The following MMP26 variants were observed in gnomAD, a reference collection of about 807,000 sequenced individuals.
The protein encoded by MMP26 is matrix metallopeptidase 26.
A neutral mutation model predicts 31.0 loss-of-function variants in MMP26; 33 were observed. The ratio of observed to expected loss-of-function variants is 1.06; its 90% CI spans 0.81 to 1.42. The LOEUF (loss-of-function observed/expected upper bound fraction) is 1.42, where lower values mean the gene tolerates loss of function less well. MMP26 is among the 40% of genes most tolerant of loss of function. The pLI, the probability that MMP26 is intolerant of heterozygous loss-of-function variation, is 0.00. For synonymous variants in MMP26, 122 were observed against 114.9 expected, an observed-to-expected ratio of 1.06 and a Z score of -0.40; for missense variants, 347 against 316.1, an observed-to-expected ratio of 1.10 and a Z score of -0.74.
chr11:4,890,033 T>C (rs1455176298), intron 2 of MMP26: 1 of 156,716 alleles, frequency 6.4e-6, no homozygotes, highest in South Asian at 2.0e-4. Context: ...TTTCCTACAA[T>C]ATGTCAACCT....
At chr11:4,924,077 C>T (rs868437497) in intron 2 of MMP26, 2 of 1,613,992 alleles carry the variant, frequency 1.2e-6, no homozygotes, top group African/African-American at 2.7e-5. Flanking sequence ...GGTATCAAAC[C>T]AGAAAATGCC....
intron 2 of MMP26, among the ~76,000 whole-genome samples, chr11:4,807,762 T>G (rs1024340253): frequency 4.6e-5 from 7 of 152,196 alleles, no homozygotes; most frequent in Non-Finnish European, 1.0e-4. Context: ...GAACTTAAAG[T>G]ATAATTTTTA....
chr11:4,869,718 G>C (rs919577768), intron 2 of MMP26, among the ~76,000 whole-genome samples: 1 of 152,124 alleles, frequency 6.6e-6, no homozygotes, highest in Non-Finnish European at 1.5e-5. Flanking sequence ...CCATTACTGG[G>C]TATATACCCA....
At chr11:4,890,540 T>C (rs985908227) in intron 2 of MMP26, 2 of 152,704 alleles carry the variant, frequency 1.3e-5, no homozygotes, top group African/African-American at 4.8e-5. Context: ...CCAGCCCTGG[T>C]ATTCCAATCA....
intron 2 of MMP26, among the ~76,000 whole-genome samples, chr11:4,796,906 C>A (rs1477018262): frequency 6.6e-6 from 1 of 152,004 alleles, no homozygotes; most frequent in East Asian, 1.9e-4. Context: ...TTGCCATTGT[C>A]AGTGAGTTCA....
chr11:4,761,249 C>A (rs1201340047), intron 1 of MMP26, among the ~76,000 whole-genome samples: 3 of 152,212 alleles, frequency 2.0e-5, no homozygotes, highest in Non-Finnish European at 4.4e-5. Flanking sequence ...TGCTAAATCA[C>A]TCATGATGTA....
At chr11:4,762,262 C>G (rs1403512698) in intron 1 of MMP26, among the ~76,000 whole-genome samples, 9 of 152,068 alleles carry the variant, frequency 5.9e-5, no homozygotes, top group African/African-American at 2.2e-4. Context: ...CAATAGAAGT[C>G]ATTTTATCCA....
chr11:4,827,064 A>T (rs559613619), intron 2 of MMP26, among the ~76,000 whole-genome samples: 1 of 152,206 alleles, frequency 6.6e-6, no homozygotes, highest in Non-Finnish European at 1.5e-5. Context: ...CAAGAGGTAC[A>T]TGGCACGCGC....
At chr11:4,855,590 G>A (rs948798893) in intron 2 of MMP26, among the ~76,000 whole-genome samples, 13 of 152,270 alleles carry the variant, frequency 8.5e-5, no homozygotes, top group East Asian at 1.9e-4. Context: ...CCAAATCTAC[G>A]TCTGATTGGT....
intron 2 of MMP26, among the ~76,000 whole-genome samples, chr11:4,818,341 T>C (rs1443736968): frequency 6.6e-6 from 1 of 152,148 alleles, no homozygotes; most frequent in Non-Finnish European, 1.5e-5. Flanking sequence ...TATTTTCTTA[T>C]AAAATCATCT....
At chr11:4,804,877 G>A (rs940284690) in intron 2 of MMP26, among the ~76,000 whole-genome samples, 3 of 151,652 alleles carry the variant, frequency 2.0e-5, no homozygotes, top group Non-Finnish European at 2.9e-5. Flanking sequence ...GGCTGAGGAA[G>A]GAAAATCACT....
At chr11:4,787,481 G>A (rs1348568993) in intron 2 of MMP26, 1 of 152,296 alleles carries the variant, frequency 6.6e-6, no homozygotes, top group Non-Finnish European at 1.5e-5. Context: ...TTCGACACTT[G>A]TGGATCTCAC....
intron 2 of MMP26, among the ~76,000 whole-genome samples, chr11:4,837,644 T>A (rs913901809): frequency 2.0e-5 from 3 of 152,166 alleles, no homozygotes; most frequent in Non-Finnish European, 4.4e-5. Context: ...TAAAATTAAG[T>A]AAAATTAGAT....
At chr11:4,915,319 G>C in intron 2 of MMP26, 1 of 1,613,938 alleles carries the variant, frequency 6.2e-7, no homozygotes. Context: ...CAGAGGACTC[G>C]AGGAAGGAGA....
intron 1 of MMP26, among the ~76,000 whole-genome samples, chr11:4,747,428 C>T (rs1425876268): frequency 6.6e-6 from 1 of 151,962 alleles, no homozygotes; most frequent in Non-Finnish European, 1.5e-5. Context: ...TTTATTTTTC[C>T]ATATCTATGC....
intron 1 of MMP26, chr11:4,722,951 T>C: frequency 1.3e-6 from 1 of 791,308 alleles, no homozygotes; most frequent in East Asian, 2.4e-5. Context: ...GGTCTTTGTA[T>C]GGATACTCAT....
chr11:4,884,882 A>G (rs1825302678), intron 2 of MMP26, among the ~76,000 whole-genome samples: 1 of 152,114 alleles, frequency 6.6e-6, no homozygotes. Flanking sequence ...CTTCAGAAAT[A>G]TTGCTGTGTT....
At chr11:4,817,434 A>G (rs1209823921) in intron 2 of MMP26, among the ~76,000 whole-genome samples, 1 of 152,064 alleles carries the variant, frequency 6.6e-6, no homozygotes, top group Admixed American at 6.5e-5. Flanking sequence ...ATAAATAAAT[A>G]CATAAAGGTA....
At chr11:4,776,307 G>T (rs1049582435) in intron 2 of MMP26, among the ~76,000 whole-genome samples, 2 of 151,974 alleles carry the variant, frequency 1.3e-5, no homozygotes, top group East Asian at 1.9e-4. Context: ...TTGAGTAGAT[G>T]CCCAGTAGTG....
Sources: allele counts gnomAD v4.1 joint callset (sites outside exome capture counted in the v4.1 genomes callset), GRCh38; gene constraint gnomAD v4.1.1; transcripts MANE v1.5; gene names NCBI Gene and HGNC (gene_info 2026-07-23, HGNC 2026-07-21).